Variants in GALNT15 observed in about 807,000 individuals in gnomAD.
GALNT15 encodes the protein UDP-GalNAc transferase T15.
In GALNT15, 67 loss-of-function variants were observed where a neutral mutation model predicts 66.8. The ratio of observed to expected loss-of-function variants is 1.00; its 90% CI spans 0.82 to 1.23. The LOEUF is 1.23. Ranked by LOEUF, GALNT15 falls within the 50% of genes most tolerant of loss-of-function variation. GALNT15 has a pLI of 0.00. For missense variants in GALNT15, 827 were observed against 804.3 expected (o/e 1.03, Z -0.34); for synonymous variants, 313 against 311.5 (o/e 1.00, Z -0.05).
At chr3:16,235,633 T>C (rs1200705443), downstream of GALNT15, among the ~76,000 whole-genome samples, 3 of 152,162 alleles carry the variant, frequency 2.0e-5, no homozygotes, top group Non-Finnish European at 4.4e-5. Flanking sequence ...TAGGATTAGG[T>C]GTCTAGTCCT....
At chr3:16,239,346 G>A in the GALNT15 span, among the ~76,000 whole-genome samples, 4 of 152,306 alleles carry the variant, frequency 2.6e-5, no homozygotes, top group Admixed American at 6.5e-5. This position sits in a 1 kb window ranked among gnomAD's most constrained non-coding sequence, Gnocchi z 5.2. Context: ...TGGATGGCCA[G>A]TGACAGTACA....
At position 16,186,194 on chromosome 3, in the gene GALNT15, G is replaced by C. The variant is rs2063514824; in HGVS notation, c.540-9566G>C. 1.3e-5 allele frequency among the ~76,000 whole-genome samples: 2 copies of C among 152,278 alleles called. No individual in the cohort carries two copies. The highest frequency in any genetic ancestry group is 4.2e-4 in the South Asian group (2 of 4,816). ...AAAAATGGTCAATAGCACACGAAAA[G>C]ATGTTCAAATCATTAGTCAGTAGGA... On this transcript the variant is annotated intron_variant, in intron 1 of 9. Transcript: ENST00000339732. This position sits in a 1 kb window ranked among gnomAD's most constrained non-coding sequence, Gnocchi z 5.1.
chr3:16,245,556 G>A, the GALNT15 span, among the ~76,000 whole-genome samples: 1 of 152,202 alleles, frequency 6.6e-6, no homozygotes, highest in African/African-American at 2.4e-5. Flanking sequence ...TTTCTTGGCT[G>A]GGTCCTTTCT....
intron 3 of GALNT15, 78 bp from the exon 4 acceptor site, chr3:16,208,425 C>A: frequency 1.4e-6 from 2 of 1,454,840 alleles, no homozygotes; most frequent in African/African-American, 1.4e-5. Context: ...CCATACTGGG[C>A]AGCCCATGTA....
downstream of GALNT15, among the ~76,000 whole-genome samples, chr3:16,230,798 C>A (rs1224890757): frequency 6.6e-6 from 1 of 152,174 alleles, no homozygotes; most frequent in Admixed American, 6.5e-5. This position sits in a 1 kb window ranked among gnomAD's most constrained non-coding sequence, Gnocchi z 4.5. Flanking sequence ...CTCGATTATT[C>A]AAATACCTTG....
chr3:16,231,547 C>T (rs2064081820), downstream of GALNT15, among the ~76,000 whole-genome samples: 1 of 152,136 alleles, frequency 6.6e-6, no homozygotes, highest in African/African-American at 2.4e-5. This position sits in a 1 kb window ranked among gnomAD's most constrained non-coding sequence, Gnocchi z 4.1. Flanking sequence ...GACATATAAA[C>T]AGCTTGCCTG....
At chr3:16,243,422 T>G in the GALNT15 span, among the ~76,000 whole-genome samples, 1 of 152,246 alleles carries the variant, frequency 6.6e-6, no homozygotes, top group Non-Finnish European at 1.5e-5. Flanking sequence ...AGATCACTTC[T>G]GCAGCTGATG....
chr3:16,200,692 G>A lies in GALNT15; in HGVS notation c.780G>A (p.Arg260=). ...EGVKLLRSNK[R]LGAIRARMLG... The stretch of plus-strand genomic sequence containing the variant: ...TGAAGTTACTCAGGAGCAACAAGAG[G>A]CTGGGTGCCATCAGGGCCCGGATGC... Residue 260 remains arginine, a synonymous_variant, in exon 3 of 10, where the codon AGG becomes AGA. Transcript: ENST00000339732. This position sits in a 1 kb window ranked among gnomAD's most constrained non-coding sequence, Gnocchi z 4.4. 1 of 1,610,700 alleles carries A rather than the reference G, an allele frequency of 6.2e-7. No individual in the cohort carries two copies. The highest frequency in any genetic ancestry group is 1.7e-5 in the Admixed American group (1 of 59,562).
chr3:16,195,994 A>T lies in GALNT15; in HGVS notation c.706+68A>T, dbSNP rs567456398. The stretch of plus-strand genomic sequence containing the variant: ...CCCCTGGCGGGTGGAGTTCTCAAGC[A>T]AAAGATTGAAGTTTGGAACTATTTT... On this transcript the variant is annotated intron_variant, in intron 2 of 9. Transcript: ENST00000339732. This position sits in a 1 kb window ranked among gnomAD's most constrained non-coding sequence, Gnocchi z 4.6. 1 of 1,519,606 alleles carries T rather than the reference A, an allele frequency of 6.6e-7. No homozygotes were observed. The highest frequency in any genetic ancestry group is 9.0e-7 in the Non-Finnish European group (1 of 1,108,674). 94.1% of individuals were successfully genotyped at this position (1,519,606 alleles called of 1,614,324 possible). A position where few individuals can be genotyped will look rare whatever the true frequency, so the allele number is the denominator to read the frequency against.
the GALNT15 span, among the ~76,000 whole-genome samples, chr3:16,241,085 G>A: frequency 1.8e-4 from 27 of 152,162 alleles, no homozygotes; most frequent in African/African-American, 3.6e-4. The surrounding 1 kb of genome is among the most constrained non-coding windows in gnomAD (Gnocchi z 4.6). Flanking sequence ...TCGAACCCCC[G>A]GGCTGAATTA....
chr3:16,220,324 G>A, intron 8 of GALNT15: 2 of 359,474 alleles, frequency 5.6e-6, no homozygotes, highest in Non-Finnish European at 1.0e-5. Context: ...CTAGCCCAGG[G>A]ATTGCAAACT....
At chr3:16,217,843 G>T (rs2063895913) in intron 6 of GALNT15, among the ~76,000 whole-genome samples, 2 of 152,114 alleles carry the variant, frequency 1.3e-5, no homozygotes, top group South Asian at 2.1e-4. Flanking sequence ...GTCTACGGAG[G>T]TCTCAAATAA....
At chr3:16,233,867 A>G (rs2064107688), downstream of GALNT15, among the ~76,000 whole-genome samples, 4 of 152,306 alleles carry the variant, frequency 2.6e-5, no homozygotes, top group Middle Eastern at 3.4e-3. Flanking sequence ...AGGAAATGCC[A>G]TTTAATATGG....
chr3:16,218,290 G>A (rs963075862), intron 6 of GALNT15, among the ~76,000 whole-genome samples: 3 of 152,150 alleles, frequency 2.0e-5, no homozygotes, highest in Non-Finnish European at 1.5e-5. Flanking sequence ...TCAGATTGGA[G>A]GCCACCAAGT....
chr3:16,239,691 A>G, the GALNT15 span, among the ~76,000 whole-genome samples: 1 of 152,228 alleles, frequency 6.6e-6, no homozygotes, highest in Admixed American at 6.5e-5. The surrounding 1 kb of genome is among the most constrained non-coding windows in gnomAD (Gnocchi z 5.2). Flanking sequence ...CCCAGGTGTG[A>G]CAACCAATAG....
Position 16,181,350 on chromosome 3 carries a change from CTGCAAGGCCCCAGG to C in GALNT15, c.539+5663_539+5676del, listed in dbSNP as rs1282202645. On this transcript the variant is annotated intron_variant, in intron 1 of 9. Coordinates refer to ENST00000339732, the MANE Select transcript of GALNT15 (RefSeq NM_054110.5). The surrounding 1 kb of genome is among the most constrained non-coding windows in gnomAD (Gnocchi z 5.9). The stretch of plus-strand genomic sequence containing the variant: ...CAGGTGGTTCTATCGTGAAGCCAGG[CTGCAAGGCCCCAGG>C]TGGTCAATGGCTCTTCACAGCTGGT... Among the ~76,000 whole-genome samples the C allele has an allele frequency of 6.6e-6, 1 of 152,116 alleles. No individual in the cohort carries two copies. Among genetic ancestry groups the C allele is most frequent in the African/African-American group, 2.4e-5 (1 of 41,422 alleles).
intron 1 of GALNT15, among the ~76,000 whole-genome samples, chr3:16,192,287 G>A (rs2063587558): frequency 6.6e-6 from 1 of 152,200 alleles, no homozygotes; most frequent in Non-Finnish European, 1.5e-5. Context: ...AGAGAAAGGA[G>A]CCAGGCATGG....
chr3:16,227,617 G>A lies in GALNT15; in HGVS notation c.*117G>A, dbSNP rs943687671. ...TTTTGTGTGTGTGCTCCTGGTGTTAGGAGAGAAAAAAGCTCTATGAAAGAA... is the reference window on the plus strand; with the variant it reads ...TTTTGTGTGTGTGCTCCTGGTGTTAAGAGAGAAAAAAGCTCTATGAAAGAA... On this transcript the variant is annotated 3_prime_UTR_variant, in exon 10 of 10. Transcript: ENST00000339732. The surrounding 1 kb of genome is among the most constrained non-coding windows in gnomAD (Gnocchi z 4.5). 6 of 1,557,862 alleles carry A rather than the reference G, an allele frequency of 3.9e-6. No individual in the cohort carries two copies. The African/African-American group carries it at 8.3e-5, about 22-fold the overall frequency.
chr3:16,218,190 C>A (rs945622994), intron 6 of GALNT15, among the ~76,000 whole-genome samples: 3 of 152,164 alleles, frequency 2.0e-5, no homozygotes, highest in African/African-American at 4.8e-5. Context: ...AACAGACTTA[C>A]CACATTTCCA....
Sources: allele counts gnomAD v4.1 joint callset (sites outside exome capture counted in the v4.1 genomes callset), GRCh38; gene constraint gnomAD v4.1.1; non-coding constraint Gnocchi (gnomAD v3.1); transcripts MANE v1.5; gene names NCBI Gene and HGNC (gene_info 2026-07-23, HGNC 2026-07-21).